Variants in SOBP observed in about 807,000 individuals in gnomAD.
SOBP encodes the protein sine oculis binding protein homolog.
Under a neutral mutation model 53.6 loss-of-function variants are expected in SOBP, and 4 were observed. That is an observed-to-expected ratio of 0.07 (90% CI 0.04 to 0.17). SOBP has a LOEUF of 0.17. SOBP is among the 10% of genes least tolerant of loss of function. SOBP has a pLI of 1.00. For missense variants in SOBP, 1,088 were observed against 1,204.7 expected (o/e 0.90, Z 1.43); for synonymous variants, 584 against 522.6 (o/e 1.12, Z -1.60).
At chr6:107,623,205 G>A (rs541260283) in intron 5 of SOBP, among the ~76,000 whole-genome samples, 1 of 152,288 alleles carries the variant, frequency 6.6e-6, no homozygotes, top group South Asian at 2.1e-4. Flanking sequence ...TGCATTTGGG[G>A]AGTTATTTGG....
intron 6 of SOBP, among the ~76,000 whole-genome samples, chr6:107,644,255 A>T (rs1290054808): frequency 6.6e-6 from 1 of 152,220 alleles, no homozygotes; most frequent in East Asian, 1.9e-4. Context: ...AGTGAGCCGA[A>T]TTCGTGCCAC....
intron 4 of SOBP, among the ~76,000 whole-genome samples, chr6:107,564,054 A>G (rs567621475): frequency 6.6e-6 from 1 of 152,306 alleles, no homozygotes; most frequent in African/African-American, 2.4e-5. Flanking sequence ...CTATGATTAT[A>G]TAAGACAAAG....
chr6:107,634,461 C>A lies in SOBP; in HGVS notation c.1617C>A (p.Ile539=), dbSNP rs1448417806. The A allele has an allele frequency of 6.2e-7, 1 of 1,610,810 alleles. No individual in the cohort carries two copies. The highest frequency in any genetic ancestry group is 1.3e-5 in the African/African-American group (1 of 74,916). The part of the protein sequence containing the change: ...VIVPLPVPIP[I]PIPIPHVSDS... ...TGCCCCTACCGGTGCCCATCCCCAT[C>A]CCCATCCCTATCCCTCACGTCAGCG... Residue 539 remains isoleucine, a synonymous_variant, in exon 6 of 7, where the codon ATC becomes ATA. Transcript: ENST00000317357. The surrounding 1 kb of genome is among the most constrained non-coding windows in gnomAD (Gnocchi z 4.5).
At chr6:107,612,616 A>T (rs569129651) in intron 5 of SOBP, among the ~76,000 whole-genome samples, 16 of 152,290 alleles carry the variant, frequency 1.1e-4, no homozygotes, top group African/African-American at 3.4e-4. Flanking sequence ...TATATATATA[A>T]AACATAGCAT....
At chr6:107,627,247 G>A (rs1770500648) in intron 5 of SOBP, among the ~76,000 whole-genome samples, 1 of 152,102 alleles carries the variant, frequency 6.6e-6, no homozygotes. Flanking sequence ...TGTCAGGGTG[G>A]GCCTGCAGTC....
intron 5 of SOBP, among the ~76,000 whole-genome samples, chr6:107,616,267 T>A (rs1249847632): frequency 6.6e-6 from 1 of 152,172 alleles, no homozygotes; most frequent in Non-Finnish European, 1.5e-5. Flanking sequence ...CAGTCACAGC[T>A]TTAGGACTTT....
intron 3 of SOBP, among the ~76,000 whole-genome samples, chr6:107,521,465 A>T (rs1783482114): frequency 2.0e-5 from 3 of 152,292 alleles, no homozygotes; most frequent in Admixed American, 1.3e-4. Context: ...GGAGTTTAAA[A>T]TTTTCTTAGA....
At chr6:107,545,422 A>G (rs1784272923) in intron 4 of SOBP, among the ~76,000 whole-genome samples, 1 of 152,194 alleles carries the variant, frequency 6.6e-6, no homozygotes, top group African/African-American at 2.4e-5. Context: ...TGGCACGGCA[A>G]CAGAGGGTGA....
At chr6:107,573,098 G>A (rs553766496) in intron 4 of SOBP, among the ~76,000 whole-genome samples, 1 of 152,328 alleles carries the variant, frequency 6.6e-6, no homozygotes, top group South Asian at 2.1e-4. Context: ...GAGCGAAATG[G>A]ATAGTCAGAT....
intron 6 of SOBP, among the ~76,000 whole-genome samples, chr6:107,648,415 T>C (rs58698301): frequency 0.67 from 101,561 of 151,832 alleles, 37,136 homozygotes; most frequent in Non-Finnish European, 0.84. Flanking sequence ...TGACACCTGC[T>C]CCTGTAGTCA....
chr6:107,632,827 C>G (rs949745690), intron 5 of SOBP, among the ~76,000 whole-genome samples: 1 of 152,196 alleles, frequency 6.6e-6, no homozygotes, highest in Non-Finnish European at 1.5e-5. Context: ...TTAAATAAGA[C>G]TGCCTGCCAA....
At chr6:107,513,002 T>C (rs1783214535) in intron 3 of SOBP, among the ~76,000 whole-genome samples, 1 of 152,242 alleles carries the variant, frequency 6.6e-6, no homozygotes, top group Non-Finnish European at 1.5e-5. Context: ...TTTATGCATT[T>C]ATGTGGCAGT....
At chr6:107,603,608 A>G (rs1786263041) in intron 5 of SOBP, among the ~76,000 whole-genome samples, 1 of 152,208 alleles carries the variant, frequency 6.6e-6, no homozygotes, top group African/African-American at 2.4e-5. Context: ...CAGCTTAAGT[A>G]CGATGTAATG....
chr6:107,490,409 G>C lies in SOBP; in HGVS notation c.-208G>C. The C allele has an allele frequency of 2.0e-6, 1 of 498,026 alleles. No individual in the cohort carries two copies. The highest frequency in any genetic ancestry group is 3.6e-6 in the Non-Finnish European group (1 of 275,930). 30.9% of individuals were successfully genotyped at this position (498,026 alleles called of 1,614,324 possible). On this transcript the variant is annotated 5_prime_UTR_variant, in exon 1 of 7. Transcript: ENST00000317357. ...GACTCTCCGCACTATCCTTACCCGT[G>C]ACAGCCACTGACGTCCTCCGCCGCT... is the stretch of plus-strand genomic sequence containing the variant.
At chr6:107,597,917 T>TA (rs1786003638) in intron 5 of SOBP, among the ~76,000 whole-genome samples, 1 of 152,178 alleles carries the variant, frequency 6.6e-6, no homozygotes, top group Non-Finnish European at 1.5e-5. Context: ...TTTAAAGCCT[T>TA]AAAAAAACTG....
chr6:107,514,653 T>C (rs2114961745), intron 3 of SOBP: 1 of 152,360 alleles, frequency 6.6e-6, no homozygotes, highest in Non-Finnish European at 1.5e-5. Context: ...ATGCCAGCTC[T>C]GCCATTTATT....
At position 107,570,036 on chromosome 6, in the gene SOBP, A is replaced by G. The variant is rs1437187737; in HGVS notation, c.574-17044A>G. Among the ~76,000 whole-genome samples, 6 of 152,338 alleles carry G rather than the reference A, an allele frequency of 3.9e-5. No homozygotes were observed. The East Asian group carries it at 1.2e-3, about 29-fold the overall frequency. On this transcript the variant is annotated intron_variant, in intron 4 of 6. Coordinates refer to ENST00000317357, the MANE Select transcript of SOBP (RefSeq NM_018013.4). ...TCAGTTGCCCTTCCAGGAAGAGAGA[A>G]GTAAGGGTAGTTAGCACTTATGCTA...
At chr6:107,654,597 T>C (rs893396406) in intron 6 of SOBP, among the ~76,000 whole-genome samples, 8 of 152,208 alleles carry the variant, frequency 5.3e-5, no homozygotes, top group Non-Finnish European at 8.8e-5. Context: ...CTGGATTTTG[T>C]GGAAAGATTC....
chr6:107,505,243 C>G (rs922100968), intron 2 of SOBP, among the ~76,000 whole-genome samples: 3 of 152,124 alleles, frequency 2.0e-5, no homozygotes, highest in Non-Finnish European at 2.9e-5. Context: ...TAGGCTTTCC[C>G]CTGGTAGCCA....
Sources: gnomAD v4.1 joint callset for allele counts (sites outside exome capture counted in the v4.1 genomes callset) on GRCh38, gnomAD v4.1.1 for gene constraint, Gnocchi (gnomAD v3.1) non-coding constraint, MANE v1.5 for transcripts, NCBI Gene and HGNC (gene_info 2026-07-23, HGNC 2026-07-21) for gene names.